The following PRSS48 variants were observed in gnomAD, a reference collection of about 807,000 sequenced individuals.
PRSS48 encodes serine protease 48, also known as epidermis-specific serine protease-like protein.
PRSS48 carries 21 observed loss-of-function variants against 25.6 expected under a neutral mutation model. That is an observed-to-expected ratio of 0.82 (90% CI 0.58 to 1.18). PRSS48 has a LOEUF of 1.18. Among genes scored for constraint, PRSS48 ranks in the 50% most tolerant of loss-of-function variants. PRSS48 has a pLI of 0.00. For missense variants in PRSS48, 373 were observed against 399.3 expected (o/e 0.93, Z 0.56); for synonymous variants, 150 against 149.3 (o/e 1.00, Z -0.04).
intron 4 of PRSS48, among the ~76,000 whole-genome samples, chr4:151,284,515 T>C (rs1774551419): frequency 1.3e-5 from 2 of 152,250 alleles, no homozygotes; most frequent in South Asian, 2.1e-4. Context: ...ATCACAGTTA[T>C]AATAGTTGCT....
At chr4:151,287,752 C>T (rs1037854844) in intron 4 of PRSS48, among the ~76,000 whole-genome samples, 3 of 152,066 alleles carry the variant, frequency 2.0e-5, no homozygotes, top group Non-Finnish European at 4.4e-5. Context: ...AAATATTAGC[C>T]ACCTGTAGTC....
At chr4:151,283,164 G>A (rs778624649) in exon 4 of PRSS48, 51 of 1,613,704 alleles carry the variant, frequency 3.2e-5, no homozygotes, top group Non-Finnish European at 4.1e-5. Flanking sequence ...ACCCATTATT[G>A]ACCGCCAGGC....
intron 4 of PRSS48, among the ~76,000 whole-genome samples, chr4:151,285,934 C>T (rs1774711583): frequency 6.6e-6 from 1 of 151,232 alleles, no homozygotes; most frequent in African/African-American, 2.4e-5. Flanking sequence ...ATGGCACATA[C>T]CTGTAATCGC....
intron 1 of PRSS48, among the ~76,000 whole-genome samples, chr4:151,279,585 CT>C (rs1773986681): frequency 6.6e-6 from 1 of 152,180 alleles, no homozygotes; most frequent in African/African-American, 2.4e-5. Context: ...TGCTTACACT[CT>C]TTTCCCAAAA....
At chr4:151,291,041 AATTCTCCACCCCTT>A in intron 4 of PRSS48, 63 bp from the exon 5 acceptor site, 1 of 1,168,532 alleles carries the variant, frequency 8.6e-7, no homozygotes. Flanking sequence ...AGTTTTAAAG[AATTCTCCACCCCTT>A]ATTACTACTC....
At chr4:151,278,224 T>C (rs1256389649) in intron 1 of PRSS48, among the ~76,000 whole-genome samples, 2 of 152,160 alleles carry the variant, frequency 1.3e-5, no homozygotes, top group Non-Finnish European at 2.9e-5. Context: ...TTCATATTCC[T>C]GATGGTGACC....
At chr4:151,282,458 T>TG in intron 3 of PRSS48, 45 bp downstream of exon 3, 1 of 1,599,512 alleles carries the variant, frequency 6.3e-7, no homozygotes, top group Non-Finnish European at 8.6e-7. Context: ...GTCATCCTCT[T>TG]GTACTCCAGA....
At chr4:151,278,459 A>G (rs1000526165) in intron 1 of PRSS48, among the ~76,000 whole-genome samples, 1 of 151,388 alleles carries the variant, frequency 6.6e-6, no homozygotes, top group African/African-American at 2.4e-5. Context: ...AGAAGAAAAA[A>G]AAAACCCTGA....
At chr4:151,289,951 C>T (rs1775160875) in intron 4 of PRSS48, among the ~76,000 whole-genome samples, 1 of 152,116 alleles carries the variant, frequency 6.6e-6, no homozygotes, top group South Asian at 2.1e-4. Context: ...CAAGTGTTCA[C>T]AGCAGCATGA....
chr4:151,279,162 A>C (rs1773931464), intron 1 of PRSS48: 2 of 410,962 alleles, frequency 4.9e-6, no homozygotes, highest in Non-Finnish European at 9.5e-6. Context: ...GCCATCTACA[A>C]CACGTCTTGA....
At chr4:151,279,682 C>T in intron 1 of PRSS48, 114 bp from the exon 2 acceptor site, 1 of 972,156 alleles carries the variant, frequency 1.0e-6, no homozygotes, top group Non-Finnish European at 1.6e-6. Flanking sequence ...AGTATGGTGT[C>T]TAGGGAGGGT....
At chr4:151,286,982 AAAT>A (rs113584974) in intron 4 of PRSS48, among the ~76,000 whole-genome samples, 1,704 of 141,816 alleles carry the variant, frequency 0.012, 30 homozygotes, top group African/African-American at 0.039. Flanking sequence ...TCTGTCTCAA[AAAT>A]AATAATAATA....
intron 3 of PRSS48, 136 bp downstream of exon 3, chr4:151,282,549 G>T: frequency 1.2e-6 from 1 of 856,490 alleles, no homozygotes; most frequent in Admixed American, 3.0e-5. Context: ...TTATCTATAA[G>T]TTTTTAAATA....
intron 4 of PRSS48, among the ~76,000 whole-genome samples, chr4:151,288,833 TG>T (rs971192240): frequency 1.1e-4 from 17 of 152,336 alleles, no homozygotes; most frequent in Admixed American, 1.1e-3. Context: ...ATTCTCCAAA[TG>T]GATCTACAGA....
downstream of PRSS48, chr4:151,291,533 G>A: frequency 1.0e-6 from 1 of 996,372 alleles, no homozygotes. Context: ...TTTTGATTTT[G>A]GAAGTTTTGG....
At chr4:151,285,113 T>A (rs544768772) in intron 4 of PRSS48, among the ~76,000 whole-genome samples, 156 of 152,262 alleles carry the variant, frequency 1.0e-3, no homozygotes, top group African/African-American at 3.7e-3. Context: ...AAAAAGAGTG[T>A]CATTCCTTTC....
intron 1 of PRSS48, among the ~76,000 whole-genome samples, chr4:151,279,554 C>G (rs1476929060): frequency 6.6e-6 from 1 of 152,020 alleles, no homozygotes; most frequent in Admixed American, 6.6e-5. Flanking sequence ...TTAATGATAC[C>G]CTATTTCTTC....
At chr4:151,279,165 C>T (rs1314509519) in intron 1 of PRSS48, 15 of 403,150 alleles carry the variant, frequency 3.7e-5, no homozygotes, top group Admixed American at 2.4e-4. Context: ...ATCTACAACA[C>T]GTCTTGAGTA....
intron 4 of PRSS48, among the ~76,000 whole-genome samples, chr4:151,285,597 C>T (rs943465481): frequency 1.3e-5 from 2 of 152,084 alleles, no homozygotes; most frequent in African/African-American, 2.4e-5. Flanking sequence ...CTGTAAATGC[C>T]TACGTTAAAC....
Sources: gnomAD v4.1 joint callset for allele counts (sites outside exome capture counted in the v4.1 genomes callset) on GRCh38, gnomAD v4.1.1 for gene constraint, MANE v1.5 for transcripts, NCBI Gene and HGNC (gene_info 2026-07-23, HGNC 2026-07-21) for gene names.